The following NXN variants were observed in gnomAD, a reference collection of about 807,000 sequenced individuals.
The protein encoded by NXN is nucleoredoxin.
NXN carries 16 observed loss-of-function variants against 48.6 expected under a neutral mutation model. The ratio of observed to expected loss-of-function variants is 0.33; its 90% CI spans 0.22 to 0.50. The LOEUF (loss-of-function observed/expected upper bound fraction) is 0.50. Among genes scored for constraint, NXN ranks in the 20% least tolerant of loss-of-function variants. The probability of loss-of-function intolerance (pLI) is 0.98; values close to 1 mark genes in which losing one functional copy is unlikely to be tolerated. For missense variants in NXN, 492 were observed against 605.5 expected (o/e 0.81, Z 1.97); for synonymous variants, 281 against 269.6 (o/e 1.04, Z -0.41).
chr17:946,385 T>C (rs2069044141), intron 1 of NXN, among the ~76,000 whole-genome samples: 1 of 152,166 alleles, frequency 6.6e-6, no homozygotes, highest in Admixed American at 6.5e-5. Flanking sequence ...GCCAGGATGG[T>C]CTTGATCTCT....
intron 1 of NXN, among the ~76,000 whole-genome samples, chr17:884,262 G>T (rs1020618138): frequency 7.6e-6 from 1 of 131,710 alleles, no homozygotes; most frequent in African/African-American, 3.1e-5. Flanking sequence ...AAACGAAGCT[G>T]TGTGTAGTGG....
rs1258834763 is a variant in NXN at position 830,968 on chromosome 17, C to T, written c.361-4890G>A. Among the ~76,000 whole-genome samples, 1 of 150,824 alleles carries T rather than the reference C, an allele frequency of 6.6e-6. No individual in the cohort carries two copies. The highest frequency in any genetic ancestry group is 1.9e-4 in the East Asian group (1 of 5,132). On this transcript the variant is annotated intron_variant, in intron 1 of 7. Coordinates refer to ENST00000336868, the MANE Select transcript of NXN (RefSeq NM_022463.5). The surrounding 1 kb of genome is among the most constrained non-coding windows in gnomAD (Gnocchi z 4.2). ...TGAGCCGAGACTGAGCTATTGCACT[C>T]CAGCCTGGGCAACAAGAGCGAAACT...
chr17:864,070 GGC>G (rs1264856662), intron 1 of NXN: 28 of 1,465,486 alleles, frequency 1.9e-5, no homozygotes, highest in African/African-American at 1.7e-4. Context: ...CCGGTGAAGG[GGC>G]ACAGTTACCG....
At position 979,754 on chromosome 17, in the gene NXN, C is replaced by A; in HGVS notation, c.-76G>T. 2.5e-6 allele frequency: 3 copies of A among 1,190,838 alleles called. No homozygotes were observed. Among genetic ancestry groups the A allele is most frequent in the East Asian group, 3.5e-5 (1 of 28,424 alleles). 73.8% of individuals were successfully genotyped at this position (1,190,838 alleles called of 1,614,324 possible). ...GCGCGGCGGGAGGAGGCGGCGGCGT[C>A]GGCGGCAGGCGCTGGGGAGAGCAGA... On this transcript the variant is annotated 5_prime_UTR_variant, in exon 1 of 8. Transcript: ENST00000336868.
intron 1 of NXN, among the ~76,000 whole-genome samples, chr17:854,654 C>CAA (rs538020306): frequency 0.048 from 2,964 of 62,036 alleles, 59 homozygotes; most frequent in Non-Finnish European, 0.073. Flanking sequence ...GACTCTGTCT[C>CAA]AAAAAAAAAA....
chr17:865,268 A>G (rs2068083839), intron 1 of NXN, among the ~76,000 whole-genome samples: 1 of 151,316 alleles, frequency 6.6e-6, no homozygotes, highest in Admixed American at 6.6e-5. Context: ...TTTGAGACAG[A>G]GTCTCCCTCT....
intron 1 of NXN, among the ~76,000 whole-genome samples, chr17:951,253 G>C (rs1374352611): frequency 6.7e-6 from 1 of 149,780 alleles, no homozygotes; most frequent in Non-Finnish European, 1.5e-5. Flanking sequence ...GGGAGGCTGA[G>C]GCACGAGAAT....
At chr17:821,224 T>G (rs1486729964) in intron 4 of NXN, among the ~76,000 whole-genome samples, 1 of 77,406 alleles carries the variant, frequency 1.3e-5, no homozygotes, top group African/African-American at 7.8e-5. Flanking sequence ...TCGGATCCTT[T>G]TGGGAACAGG....
chr17:822,308 T>C, intron 4 of NXN, 49 bp downstream of exon 4: 1 of 1,303,518 alleles, frequency 7.7e-7, no homozygotes, highest in Middle Eastern at 1.9e-4. Flanking sequence ...AAAAAATGGA[T>C]GTCAGCTACC....
At chr17:863,655 GTCTC>G (rs752207152) in intron 1 of NXN, among the ~76,000 whole-genome samples, 2 of 152,054 alleles carry the variant, frequency 1.3e-5, no homozygotes, top group South Asian at 2.1e-4. Flanking sequence ...AGAGATGGGG[GTCTC>G]TCTATGTTGC....
intron 1 of NXN, among the ~76,000 whole-genome samples, chr17:970,883 C>T (rs963176384): frequency 2.0e-5 from 3 of 151,366 alleles, no homozygotes; most frequent in Non-Finnish European, 4.4e-5. Context: ...AAGAAAGATG[C>T]TAGAGAAATG....
At chr17:842,490 G>A (rs1377517981) in intron 1 of NXN, 1 of 984,876 alleles carries the variant, frequency 1.0e-6, no homozygotes, top group East Asian at 1.1e-4. Context: ...GAGGATGAAG[G>A]ATGAACACGG....
intron 6 of NXN, chr17:804,031 C>T: frequency 3.5e-6 from 2 of 564,804 alleles, no homozygotes; most frequent in Admixed American, 6.2e-5. Context: ...CACCGGGCTC[C>T]CCAGGAGGAA....
intron 1 of NXN, among the ~76,000 whole-genome samples, chr17:934,168 G>A (rs11653201): frequency 0.28 from 42,891 of 151,904 alleles, 7,119 homozygotes; most frequent in East Asian, 0.53. Flanking sequence ...CCGGGAGGCC[G>A]GGCGCGGTGG....
chr17:922,559 C>A (rs1055305915), intron 1 of NXN, among the ~76,000 whole-genome samples: 1 of 152,308 alleles, frequency 6.6e-6, no homozygotes, highest in Non-Finnish European at 1.5e-5. Context: ...CCCAGTTAGC[C>A]TGAGGTACAG....
Position 861,876 on chromosome 17 carries a change from C to T in NXN, c.361-35798G>A, listed in dbSNP as rs186662279. ...AGACAGTCTTGCTCTGTCGCCCAGG[C>T]TGGAGTGCAGTGGCATGATCTCAGC... is the stretch of plus-strand genomic sequence containing the variant. On this transcript the variant is annotated intron_variant, in intron 1 of 7. Coordinates refer to ENST00000336868, the MANE Select transcript of NXN (RefSeq NM_022463.5). Among the ~76,000 whole-genome samples the T allele has an allele frequency of 3.2e-4, 49 of 151,874 alleles. No individual in the cohort carries two copies. In the East Asian group the frequency reaches 9.3e-3, roughly 29 times the overall value.
chr17:804,563 G>A (rs1398180764), intron 6 of NXN, among the ~76,000 whole-genome samples: 3 of 152,222 alleles, frequency 2.0e-5, no homozygotes, highest in South Asian at 2.1e-4. Flanking sequence ...GCATGGATGC[G>A]CCTGTGTCCC....
rs973617400 is a variant in NXN at position 920,297 on chromosome 17, G to A, written c.360+59022C>T. On this transcript the variant is annotated intron_variant, in intron 1 of 7. Coordinates refer to ENST00000336868, the MANE Select transcript of NXN (RefSeq NM_022463.5). The surrounding 1 kb of genome is among the most constrained non-coding windows in gnomAD (Gnocchi z 4.6). The stretch of plus-strand genomic sequence containing the variant: ...CTTTGACCTGGAGGAATCTGGCAAC[G>A]TCAACATCAAGTGATTGTTCAAATT... Among the ~76,000 whole-genome samples the A allele has an allele frequency of 7.9e-5, 12 of 152,118 alleles. No individual in the cohort carries two copies. Among genetic ancestry groups the A allele is most frequent in the South Asian group, 4.1e-4 (2 of 4,830 alleles).
At chr17:843,839 C>T (rs887082608) in intron 1 of NXN, among the ~76,000 whole-genome samples, 1 of 152,194 alleles carries the variant, frequency 6.6e-6, no homozygotes, top group Admixed American at 6.5e-5. Context: ...ACGGGTTCGA[C>T]CCAGAATGTT....
Sources: allele counts gnomAD v4.1 joint callset (sites outside exome capture counted in the v4.1 genomes callset), GRCh38; gene constraint gnomAD v4.1.1; non-coding constraint Gnocchi (gnomAD v3.1); transcripts MANE v1.5; gene names NCBI Gene and HGNC (gene_info 2026-07-23, HGNC 2026-07-21).